TPP2: variants seen among roughly 807,000 people sequenced by gnomAD.
The protein encoded by TPP2 is tripeptidyl peptidase 2.
A neutral mutation model predicts 155.9 loss-of-function variants in TPP2; 34 were observed. The observed-to-expected ratio is 0.22, with a 90% confidence interval of 0.17 to 0.29. The LOEUF is 0.29. TPP2 is among the 10% of genes least tolerant of loss of function. The pLI is 1.00. For missense variants in TPP2, 1,028 were observed against 1,522.3 expected (o/e 0.68, Z 5.40); for synonymous variants, 510 against 529.4 (o/e 0.96, Z 0.50).
At chr13:102,606,483 A>G (rs971332702) in intron 2 of TPP2, among the ~76,000 whole-genome samples, 1 of 152,198 alleles carries the variant, frequency 6.6e-6, no homozygotes, top group Non-Finnish European at 1.5e-5. Context: ...CCAAGTTTAC[A>G]TGATTGTTGG....
chr13:102,644,247 A>G (rs1165671429), intron 17 of TPP2, among the ~76,000 whole-genome samples: 1 of 152,086 alleles, frequency 6.6e-6, no homozygotes, highest in Non-Finnish European at 1.5e-5. Context: ...TTTTGGTCCT[A>G]ATTTTTTATT....
In TPP2 at chr13:102,651,348, CT is replaced by C. The variant is rs1315813336; in HGVS notation, c.2953-10del. ...GCATGTTTTCTTACAGAATGTCGTTCTAACTCCCAGGGGCAGTCTGCAGCAA... is the reference window on the plus strand; with the variant it reads ...GCATGTTTTCTTACAGAATGTCGTTCAACTCCCAGGGGCAGTCTGCAGCAA... On this transcript the variant is annotated splice_polypyrimidine_tract_variant and intron_variant, in intron 23 of 29. Coordinates refer to ENST00000376052, the MANE Select transcript of TPP2 (RefSeq NM_001330588.2). The C allele has an allele frequency of 6.3e-7, 1 of 1,578,708 alleles. No individual in the cohort carries two copies. The highest frequency in any genetic ancestry group is 1.3e-5 in the African/African-American group (1 of 74,252).
At chr13:102,609,392 CTT>C (rs34845674) in intron 2 of TPP2, among the ~76,000 whole-genome samples, 2 of 79,832 alleles carry the variant, frequency 2.5e-5, no homozygotes, top group Non-Finnish European at 2.2e-5. Flanking sequence ...AAGTGCCATG[CTT>C]TTTTTTTTTT....
intron 15 of TPP2, among the ~76,000 whole-genome samples, chr13:102,639,541 C>T (rs1882617397): frequency 6.6e-6 from 1 of 152,140 alleles, no homozygotes; most frequent in Admixed American, 6.5e-5. Flanking sequence ...CTCCGTAACT[C>T]TTCTTGTCTA....
intron 1 of TPP2, 151 bp downstream of exon 1, chr13:102,597,354 C>T (rs1879037945): frequency 4.6e-6 from 2 of 436,018 alleles, no homozygotes; most frequent in Non-Finnish European, 7.5e-6. Context: ...GAGGTCAGAG[C>T]CAGGCGCGGG....
Position 102,649,088 on chromosome 13 carries a change from G to A in TPP2, c.2810G>A (p.Ser937Asn), listed in dbSNP as rs771541403. The A allele has an allele frequency of 6.2e-7, 1 of 1,613,162 alleles. No homozygotes were observed. The highest frequency in any genetic ancestry group is 8.5e-7 in the Non-Finnish European group (1 of 1,179,754). ...GCACTTCTAGGGAAGAAGAAATCAA[G>A]CAATTTGACATTACCACCCAAATAT... is the stretch of plus-strand genomic sequence containing the variant. ...SFALLGKKKS[S>N]NLTLPPKYNQ... The change falls in exon 22 of 30, where the codon AGC (serine) becomes AAC (asparagine). Residue 937 changes from serine (S) to asparagine (N), a missense_variant. Ser to Asn is a conservative substitution (Grantham distance 46). Transcript: ENST00000376052.
chr13:102,668,435 C>T (rs1301433422), intron 27 of TPP2, among the ~76,000 whole-genome samples: 1 of 152,172 alleles, frequency 6.6e-6, no homozygotes. Flanking sequence ...GTAGTGGTTA[C>T]TGCTTGTATT....
intron 24 of TPP2, among the ~76,000 whole-genome samples, chr13:102,654,783 A>C (rs1883744669): frequency 6.6e-6 from 1 of 152,170 alleles, no homozygotes; most frequent in African/African-American, 2.4e-5. Context: ...TTTAATTCCT[A>C]GATGTGTTGT....
In TPP2 at chr13:102,647,380, AGCTGTTTCCTGAACTAACAAAATC is replaced by A. The variant is rs773484448; in HGVS notation, c.2628+37_2628+60del. On this transcript the variant is annotated intron_variant, in intron 21 of 29. Transcript: ENST00000376052. ...GATGGTGATTTTTAGAATTAACGGA[AGCTGTTTCCTGAACTAACAAAATC>A]CTGGTTTCTTGTTATGGTAATGTTC... 6.3e-6 allele frequency: 10 copies of A among 1,597,526 alleles called. 1 individual carries two copies. In the South Asian group the frequency reaches 9.1e-5, roughly 15 times the overall value.
At chr13:102,637,541 C>CTTGTTGTTGTTGTTGTTGTTG (rs11272845) in intron 14 of TPP2, among the ~76,000 whole-genome samples, 39 of 151,096 alleles carry the variant, frequency 2.6e-4, no homozygotes, top group South Asian at 1.0e-3. Context: ...GCTGCAGTTG[C>CTTGTTGTTGTTGTTGTTGTTG]TTGTTGTTGT....
At chr13:102,651,485 T>A in intron 24 of TPP2, 88 bp downstream of exon 24, 16 of 1,354,804 alleles carry the variant, frequency 1.2e-5, no homozygotes, top group South Asian at 5.3e-5. Context: ...ACCTTTTTTT[T>A]AATAAGTCTC....
At chr13:102,628,731 C>T (rs972276552) in intron 8 of TPP2, among the ~76,000 whole-genome samples, 1 of 152,150 alleles carries the variant, frequency 6.6e-6, no homozygotes, top group Non-Finnish European at 1.5e-5. Flanking sequence ...TTTGAGACAT[C>T]ACTTTACGGT....
intron 25 of TPP2, among the ~76,000 whole-genome samples, chr13:102,657,527 A>T (rs1566363363): frequency 6.6e-6 from 1 of 151,810 alleles, no homozygotes; most frequent in African/African-American, 2.4e-5. Flanking sequence ...TCTTATTATT[A>T]TTTTTTTCCT....
chr13:102,646,998 A>G (rs893065041), intron 20 of TPP2, among the ~76,000 whole-genome samples: 6 of 152,222 alleles, frequency 3.9e-5, no homozygotes, highest in African/African-American at 9.7e-5. Context: ...GAATACACAT[A>G]GCCAGGTGTG....
chr13:102,618,836 G>A lies in TPP2; in HGVS notation c.610G>A (p.Glu204Lys), dbSNP rs759851788. 34 of 1,606,310 alleles carry A rather than the reference G, an allele frequency of 2.1e-5. No homozygotes were observed. Among genetic ancestry groups the A allele is most frequent in the Middle Eastern group, 3.3e-4 (2 of 6,050 alleles). The change falls in exon 5 of 30, where the codon GAA (glutamate) becomes AAA (lysine). Residue 204 changes from glutamate to lysine, a missense_variant. Physicochemically the swap from Glu to Lys is moderately conservative, Grantham distance 56. Transcript: ENST00000376052. ...VYDCLVWHDGEVWRACIDSNE... is the reference protein window; with the variant it reads ...VYDCLVWHDGKVWRACIDSNE... ...TGACTGCTTGGTATGGCATGATGGC[G>A]AAGTCTGGAGGTAAACTTCGTGTAT...
chr13:102,660,264 A>G (rs1374142319), intron 25 of TPP2, among the ~76,000 whole-genome samples: 1 of 152,124 alleles, frequency 6.6e-6, no homozygotes, highest in Non-Finnish European at 1.5e-5. Flanking sequence ...ACTTAATACA[A>G]AAGAAAGCTG....
intron 10 of TPP2, 63 bp downstream of exon 10, chr13:102,630,258 G>C (rs1446997202): frequency 3.2e-6 from 4 of 1,246,590 alleles, no homozygotes; most frequent in Middle Eastern, 1.9e-4. Flanking sequence ...CTGTTGAGAA[G>C]GGCAGAGTTT....
At chr13:102,657,804 C>T (rs613100) in intron 25 of TPP2, among the ~76,000 whole-genome samples, 74,927 of 151,462 alleles carry the variant, frequency 0.49, 18,863 homozygotes, top group African/African-American at 0.6. Context: ...AAAATCGTCT[C>T]GCTGTGTTTT....
chr13:102,624,157 G>C (rs1032466879), intron 6 of TPP2, among the ~76,000 whole-genome samples: 5 of 152,092 alleles, frequency 3.3e-5, no homozygotes, highest in African/African-American at 1.2e-4. Flanking sequence ...ATGCCGAATA[G>C]TACTATGCAG....
Sources: gnomAD v4.1 joint callset for allele counts (sites outside exome capture counted in the v4.1 genomes callset) on GRCh38, gnomAD v4.1.1 for gene constraint, MANE v1.5 for transcripts, NCBI Gene and HGNC (gene_info 2026-07-23, HGNC 2026-07-21) for gene names.